A1BG: variants seen among roughly 807,000 people sequenced by gnomAD.
A1BG encodes alpha-1-B glycoprotein, also known as alpha-1B-glycoprotein.
A neutral mutation model predicts 46.0 loss-of-function variants in A1BG; 44 were observed. The observed-to-expected ratio is 0.96, with a 90% confidence interval of 0.75 to 1.23. The LOEUF is 1.23. Among genes scored for constraint, A1BG ranks in the 50% most tolerant of loss-of-function variants. The pLI is 0.00. For missense variants in A1BG, 707 were observed against 688.8 expected, an observed-to-expected ratio of 1.03 and a Z score of -0.30; for synonymous variants, 316 against 314.7, an observed-to-expected ratio of 1.00 and a Z score of -0.04.
rs527773864 is a variant in A1BG, at chr19:58,346,696, G to A, written c.*326C>T. Reference sequence around the variant, plus strand: ...ACTGCAACACTGCACTCCAGCCTGGGTGACAGTGTGAGACCCTGTCTCAAA... The same window carrying A: ...ACTGCAACACTGCACTCCAGCCTGGATGACAGTGTGAGACCCTGTCTCAAA... On this transcript the variant is annotated 3_prime_UTR_variant, in exon 8 of 8. Coordinates refer to ENST00000263100, the MANE Select transcript of A1BG (RefSeq NM_130786.4). 2 of 405,924 alleles carry A rather than the reference G, an allele frequency of 4.9e-6. No homozygotes were observed. Among genetic ancestry groups the A allele is most frequent in the East Asian group, 5.6e-5 (1 of 17,888 alleles). The allele number at this position is 405,924 out of a possible 1,614,324, so 25.1% of individuals were successfully genotyped here.
At chr19:58,347,768 T>A in intron 6 of A1BG, 128 bp from the exon 7 acceptor site, 1 of 551,174 alleles carries the variant, frequency 1.8e-6, no homozygotes, top group Non-Finnish European at 2.7e-6. Context: ...CCCTGTCTTG[T>A]TCCTGGGCGC....
In A1BG at chr19:58,347,421, C is replaced by T. The variant is rs767883784; in HGVS notation, c.1412G>A (p.Arg471His). 33 of 1,611,350 alleles carry T rather than the reference C, an allele frequency of 2.0e-5. No individual in the cohort carries two copies. Among genetic ancestry groups the T allele is most frequent in the Non-Finnish European group, 2.8e-5 (33 of 1,179,308 alleles). The change falls in exon 7 of 8, where the codon CGC becomes CAC. Residue 471 changes from arginine to histidine, a missense_variant. Transcript: ENST00000263100. ...GPQHAGNYRC[R>H]YRSWVPHTFE... ...GGTGTGGGGCACCCAGGAGCGGTAG[C>T]GGCACCTGTAGTTGCCGGCGTGCTG...
rs1443318432 is a variant in A1BG, at chr19:58,351,388, C to A, written c.910+3G>T. On this transcript the variant is annotated splice_donor_region_variant and intron_variant, in intron 5 of 7. Transcript: ENST00000263100. ...GTCCCTGTCCCTGCTGGCCCCGGCT[C>A]ACCATCGCTCAGAATCAGCTCGACC... The A allele has an allele frequency of 6.2e-7, 1 of 1,608,470 alleles. No homozygotes were observed. Among genetic ancestry groups the A allele is most frequent in the Middle Eastern group, 1.7e-4 (1 of 5,948 alleles).
chr19:58,350,782 C>T, intron 5 of A1BG, 131 bp from the exon 6 acceptor site: 2 of 982,530 alleles, frequency 2.0e-6, no homozygotes, highest in Non-Finnish European at 2.7e-6. Context: ...CCTCCCTCGC[C>T]TCCTCCGGGC....
rs764342582 is a variant in A1BG at position 58,347,004 on chromosome 19, C to A, written c.*18G>T. 1.7e-5 allele frequency: 27 copies of A among 1,613,994 alleles called. No individual in the cohort carries two copies. Among genetic ancestry groups the A allele is most frequent in the Admixed American group, 3.3e-5 (2 of 60,000 alleles). On this transcript the variant is annotated 3_prime_UTR_variant, in exon 8 of 8. Transcript: ENST00000263100. The stretch of plus-strand genomic sequence containing the variant: ...GCACTTCTGAGGACACCAACAGCAC[C>A]CTGGGCCCGCGGCTGCATCAGCTTT...
chr19:58,350,269 C>T, intron 6 of A1BG, 101 bp downstream of exon 6: 1 of 1,397,392 alleles, frequency 7.2e-7, no homozygotes, highest in Non-Finnish European at 9.4e-7. Context: ...AACCAAGGCC[C>T]AGAGCGCCGC....
At position 58,346,778 on chromosome 19, in the gene A1BG, T is replaced by G; in HGVS notation, c.*244A>C. ...AGAGCCAGTTCTCCACTCCTCTACC[T>G]CAGGAGCCACCCCAGAACCCATCCA... On this transcript the variant is annotated 3_prime_UTR_variant, in exon 8 of 8. Transcript: ENST00000263100. 1.6e-6 allele frequency: 1 copy of G among 612,912 alleles called. No individual in the cohort carries two copies. The highest frequency in any genetic ancestry group is 2.9e-6 in the Non-Finnish European group (1 of 340,230). The allele number at this position is 612,912 out of a possible 1,614,324, so 38.0% of individuals were successfully genotyped here.
Position 58,351,575 on chromosome 19 carries a change from C to G in A1BG, c.726G>C (p.Gln242His), listed in dbSNP as rs1568553890. The G allele has an allele frequency of 1.9e-6, 3 of 1,613,922 alleles. No homozygotes were observed. The highest frequency in any genetic ancestry group is 2.5e-6 in the Non-Finnish European group (3 of 1,180,034). The change falls in exon 5 of 8, where the codon CAG (glutamine) becomes CAC (histidine). Residue 242 changes from glutamine (Q) to histidine (H), a missense_variant. Physicochemically the swap from Gln to His is conservative, Grantham distance 24 (BLOSUM62 0). Transcript: ENST00000263100. ...CVAPLSGVDF[Q>H]LRRGEKELLV... ...GCAGCTCTTTCTCCCCGCGCCGTAG[C>G]TGGAAGTCCACTCCACTCAGGGGAG...
intron 6 of A1BG, chr19:58,350,141 A>G: frequency 1.9e-6 from 1 of 528,026 alleles, no homozygotes. Context: ...GCTGCCGACC[A>G]CCACGCTACA....
chr19:58,349,390 C>T lies in A1BG; in HGVS notation c.1192+980G>A, dbSNP rs118096828. On this transcript the variant is annotated intron_variant, in intron 6 of 7. Transcript: ENST00000263100. ...AGAATAGGCTGGGCATGGTGACTCACAAGTGTAATCCCAGCACTTTGGGAG... is the reference window on the plus strand; with the variant it reads ...AGAATAGGCTGGGCATGGTGACTCATAAGTGTAATCCCAGCACTTTGGGAG... Among the ~76,000 whole-genome samples the T allele has an allele frequency of 8.2e-3, 1,247 of 152,074 alleles. 74 individuals carry two copies. Among genetic ancestry groups the T allele is most frequent in the Admixed American group, 0.07 (1,065 of 15,276 alleles).
chr19:58,347,747 G>C, intron 6 of A1BG, 107 bp from the exon 7 acceptor site: 2 of 655,760 alleles, frequency 3.0e-6, no homozygotes, highest in Non-Finnish European at 2.1e-6. Context: ...CCTCAGCCCC[G>C]GCTTCATCTT....
Position 58,346,684 on chromosome 19 carries a change from A to C in A1BG, c.*338T>G, listed in dbSNP as rs2051915510. 1 of 379,408 alleles carries C rather than the reference A, an allele frequency of 2.6e-6. No homozygotes were observed. Among genetic ancestry groups the C allele is most frequent in the African/African-American group, 2.1e-5 (1 of 46,954 alleles). 23.5% of individuals were successfully genotyped at this position (379,408 alleles called of 1,614,324 possible). Reference sequence around the variant, plus strand: ...GCAGTGAGCCGGACTGCAACACTGCACTCCAGCCTGGGTGACAGTGTGAGA... The same window carrying C: ...GCAGTGAGCCGGACTGCAACACTGCCCTCCAGCCTGGGTGACAGTGTGAGA... On this transcript the variant is annotated 3_prime_UTR_variant, in exon 8 of 8. Transcript: ENST00000263100.
In A1BG at chr19:58,346,926, G is replaced by A. The variant is rs2051916868; in HGVS notation, c.*96C>T. The A allele has an allele frequency of 3.6e-5, 48 of 1,332,396 alleles. No homozygotes were observed. Among genetic ancestry groups the A allele is most frequent in the Non-Finnish European group, 5.0e-5 (46 of 923,386 alleles). 82.5% of individuals were successfully genotyped at this position (1,332,396 alleles called of 1,614,324 possible). A position where few individuals can be genotyped will look rare whatever the true frequency, so the allele number is the denominator to read the frequency against. On this transcript the variant is annotated 3_prime_UTR_variant, in exon 8 of 8. Coordinates refer to ENST00000263100, the MANE Select transcript of A1BG (RefSeq NM_130786.4). The stretch of plus-strand genomic sequence containing the variant: ...AGGGAGGCTTCTCCAGCCCCCCAGA[G>A]ACCCCGGCCTTGTGCTGCAACAGGA...
At chr19:58,347,091 G>T in intron 7 of A1BG, 62 bp from the exon 8 acceptor site, 1 of 1,598,100 alleles carries the variant, frequency 6.3e-7, no homozygotes, top group Non-Finnish European at 8.6e-7. Flanking sequence ...TCCTCCTCGC[G>T]GAAATCAAGG....
At position 58,347,359 on chromosome 19, in the gene A1BG, C is replaced by T. The variant is rs2051920534; in HGVS notation, c.1474G>A (p.Val492Met). ...GGACCCAGGGAAACGTCACCTGCCA[C>T]CAGGAGCTCCACAGGGTCGCTGAGC... ...SELSDPVELL[V>M]AES Residue 492 changes from valine to methionine, a missense_variant, in exon 7 of 8, where the codon GTG becomes ATG. By Grantham distance (21) the Val-to-Met change is conservative (BLOSUM62 1). Transcript: ENST00000263100. 1 of 1,611,738 alleles carries T rather than the reference C, an allele frequency of 6.2e-7. No individual in the cohort carries two copies. The highest frequency in any genetic ancestry group is 8.5e-7 in the Non-Finnish European group (1 of 1,179,844).
rs565471556 is a variant in A1BG at position 58,347,029 on chromosome 19, T to A, written c.1481A>T (p.Glu494Val). The A allele has an allele frequency of 2.5e-6, 4 of 1,614,040 alleles. No homozygotes were observed. The South Asian group carries it at 4.4e-5, about 18-fold the overall frequency. ...LSDPVELLVA[E>V]S Reference sequence around the variant, plus strand: ...CCTGGGCCCGCGGCTGCATCAGCTTTCTAGACAACGGGAGAAAAGAGAAAT... The same window carrying A: ...CCTGGGCCCGCGGCTGCATCAGCTTACTAGACAACGGGAGAAAAGAGAAAT... Residue 494 changes from glutamate (E) to valine (V), a missense_variant and splice_region_variant, in exon 8 of 8, where the codon GAA (glutamate) becomes GTA (valine). Coordinates refer to ENST00000263100, the MANE Select transcript of A1BG (RefSeq NM_130786.4).
intron 5 of A1BG, 58 bp from the exon 6 acceptor site, chr19:58,350,709 G>C: frequency 7.5e-7 from 1 of 1,326,526 alleles, no homozygotes; most frequent in South Asian, 2.1e-5. Context: ...GCCCTAACGC[G>C]TGGTCTGGCC....
At position 58,346,845 on chromosome 19, in the gene A1BG, C is replaced by A; in HGVS notation, c.*177G>T. ...TCCCAGCCCACTCAGCCCTGGGAGT[C>A]CAAAGACATTTTAAACAGAGCCTCT... On this transcript the variant is annotated 3_prime_UTR_variant, in exon 8 of 8. Coordinates refer to ENST00000263100, the MANE Select transcript of A1BG (RefSeq NM_130786.4). 1.3e-6 allele frequency: 1 copy of A among 760,184 alleles called. No individual in the cohort carries two copies. Among genetic ancestry groups the A allele is most frequent in the Non-Finnish European group, 2.3e-6 (1 of 433,916 alleles). The allele number at this position is 760,184 out of a possible 1,614,324, so 47.1% of individuals were successfully genotyped here.
At position 58,347,455 on chromosome 19, in the gene A1BG, C is replaced by G. The variant is rs757079396; in HGVS notation, c.1378G>C (p.Val460Leu). The G allele has an allele frequency of 1.2e-6, 2 of 1,605,608 alleles. No individual in the cohort carries two copies. Among genetic ancestry groups the G allele is most frequent in the Admixed American group, 3.4e-5 (2 of 59,484 alleles). The change falls in exon 7 of 8, where the codon GTG (valine) becomes CTG (leucine). Residue 460 changes from valine to leucine, a missense_variant. By Grantham distance (32) the Val-to-Leu change is conservative (BLOSUM62 1). Transcript: ENST00000263100. ...GAAANLELIF[V>L]GPQHAGNYRC... ...TAGTTGCCGGCGTGCTGGGGCCCCA[C>G]GAAGATCAGCTCGAGGTTCGCCGCG...
Sources: allele counts gnomAD v4.1 joint callset (sites outside exome capture counted in the v4.1 genomes callset), GRCh38; gene constraint gnomAD v4.1.1; transcripts MANE v1.5; gene names NCBI Gene and HGNC (gene_info 2026-07-23, HGNC 2026-07-21).